The following TMEM163 variants were observed in gnomAD, a reference collection of about 807,000 sequenced individuals.
The protein encoded by TMEM163 is transmembrane protein 163.
TMEM163 carries 17 observed loss-of-function variants against 29.3 expected under a neutral mutation model. That is an observed-to-expected ratio of 0.58 (90% CI 0.40 to 0.87). The LOEUF is 0.87. Among genes scored for constraint, TMEM163 ranks in the 40% least tolerant of loss-of-function variants. The probability of loss-of-function intolerance (pLI) is 0.00; values close to 1 mark genes in which losing one functional copy is unlikely to be tolerated. For missense variants in TMEM163, 303 were observed against 381.5 expected, an observed-to-expected ratio of 0.79 and a Z score of 1.71; for synonymous variants, 157 against 160.6, an observed-to-expected ratio of 0.98 and a Z score of 0.17.
At chr2:134,690,953 C>T (rs1684451183) in intron 2 of TMEM163, among the ~76,000 whole-genome samples, 1 of 152,222 alleles carries the variant, frequency 6.6e-6, no homozygotes, top group East Asian at 1.9e-4. Flanking sequence ...TACCCATCTA[C>T]CTGGTCCAGG....
At chr2:134,531,049 A>G (rs1680405465) in intron 4 of TMEM163, among the ~76,000 whole-genome samples, 1 of 152,108 alleles carries the variant, frequency 6.6e-6, no homozygotes, top group South Asian at 2.1e-4. Flanking sequence ...TTTGATGCAG[A>G]GTGGGGAGTA....
chr2:134,593,025 T>C (rs1298164242), intron 2 of TMEM163, among the ~76,000 whole-genome samples: 1 of 152,176 alleles, frequency 6.6e-6, no homozygotes, highest in Non-Finnish European at 1.5e-5. Flanking sequence ...TTCTGTTTTA[T>C]TGGGAATACA....
chr2:134,490,186 G>C (rs1008964109), intron 5 of TMEM163, among the ~76,000 whole-genome samples: 6 of 152,172 alleles, frequency 3.9e-5, no homozygotes, highest in African/African-American at 1.4e-4. Context: ...AGCGCCACCA[G>C]CTGGGTGATG....
chr2:134,602,767 C>G (rs1260526502), intron 2 of TMEM163, among the ~76,000 whole-genome samples: 2 of 152,112 alleles, frequency 1.3e-5, no homozygotes, highest in East Asian at 3.9e-4. Context: ...TTGAAATGCT[C>G]TCTTCCCCAG....
rs568953339 is a variant in TMEM163 at position 134,642,630 on chromosome 2, A to G, written c.322+70570T>C. ...TGCACATGGAACATTCACTAGGATA[A>G]ACCATAGCCTGGTTTACAAAACATG... On this transcript the variant is annotated intron_variant, in intron 2 of 7. Coordinates refer to ENST00000281924, the MANE Select transcript of TMEM163 (RefSeq NM_030923.5). 2.0e-5 allele frequency among the ~76,000 whole-genome samples: 3 copies of G among 152,344 alleles called. No individual in the cohort carries two copies. The South Asian group carries it at 6.2e-4, about 32-fold the overall frequency.
Position 134,464,829 on chromosome 2 carries a change from C to G in TMEM163, c.667+1285G>C, listed in dbSNP as rs146071269. On this transcript the variant is annotated intron_variant, in intron 6 of 7. Coordinates refer to ENST00000281924, the MANE Select transcript of TMEM163 (RefSeq NM_030923.5). ...GGATTCTTGGGCCAGAGCTCTGTCC[C>G]AGGGTGGAAACGTCACTTTGGCTTC... Among the ~76,000 whole-genome samples, 987 of 152,258 alleles carry G rather than the reference C, an allele frequency of 6.5e-3. 13 individuals carry two copies. Among genetic ancestry groups the G allele is most frequent in the African/African-American group, 0.021 (886 of 41,540 alleles).
At chr2:134,500,125 A>G (rs1016514548) in intron 5 of TMEM163, among the ~76,000 whole-genome samples, 3 of 152,166 alleles carry the variant, frequency 2.0e-5, no homozygotes, top group African/African-American at 7.2e-5. Context: ...CAGGCCCTTC[A>G]TCCAAGTGCG....
At chr2:134,600,086 A>G (rs1682192651) in intron 2 of TMEM163, among the ~76,000 whole-genome samples, 1 of 152,220 alleles carries the variant, frequency 6.6e-6, no homozygotes, top group South Asian at 2.1e-4. Context: ...CAGACCCTAG[A>G]AAACTGCCCA....
intron 5 of TMEM163, among the ~76,000 whole-genome samples, chr2:134,472,895 G>C (rs1276079796): frequency 6.6e-6 from 1 of 152,146 alleles, no homozygotes; most frequent in African/African-American, 2.4e-5. Flanking sequence ...CTGACAATGG[G>C]ATTAAACTAG....
At chr2:134,534,418 AT>A (rs1385175521) in intron 4 of TMEM163, among the ~76,000 whole-genome samples, 2 of 152,206 alleles carry the variant, frequency 1.3e-5, no homozygotes, top group African/African-American at 4.8e-5. Context: ...TGGAGTTTAC[AT>A]TCACTAACCT....
intron 4 of TMEM163, among the ~76,000 whole-genome samples, chr2:134,532,175 C>A (rs73958754): frequency 0.023 from 3,448 of 152,282 alleles, 133 homozygotes; most frequent in African/African-American, 0.078. Context: ...AAAAGTCTAG[C>A]GCATCTGTGT....
chr2:134,676,774 T>A (rs957180841), intron 2 of TMEM163, among the ~76,000 whole-genome samples: 2 of 152,184 alleles, frequency 1.3e-5, no homozygotes, highest in Admixed American at 1.3e-4. Context: ...AGACTTCACA[T>A]AAATGGAATC....
At chr2:134,482,345 T>C (rs1046490171) in intron 5 of TMEM163, among the ~76,000 whole-genome samples, 2 of 152,178 alleles carry the variant, frequency 1.3e-5, no homozygotes. Context: ...CTGTGGCCAC[T>C]GACACTGAGC....
chr2:134,557,365 A>G (rs1312934406), intron 2 of TMEM163, among the ~76,000 whole-genome samples: 1 of 152,256 alleles, frequency 6.6e-6, no homozygotes, highest in African/African-American at 2.4e-5. Flanking sequence ...TATCTGAGAC[A>G]GAGATCAATC....
chr2:134,665,356 C>T (rs955454922), intron 2 of TMEM163, among the ~76,000 whole-genome samples: 1 of 152,078 alleles, frequency 6.6e-6, no homozygotes, highest in African/African-American at 2.4e-5. Flanking sequence ...GGTGAACTGC[C>T]CCTTATAAAA....
At chr2:134,692,698 A>G (rs1042718680) in intron 2 of TMEM163, among the ~76,000 whole-genome samples, 1 of 152,110 alleles carries the variant, frequency 6.6e-6, no homozygotes, top group Non-Finnish European at 1.5e-5. Context: ...GTCTCTTCTT[A>G]TAAGTGCACA....
At chr2:134,605,180 CAA>C (rs754781954) in intron 2 of TMEM163, among the ~76,000 whole-genome samples, 33 of 105,068 alleles carry the variant, frequency 3.1e-4, no homozygotes, top group Admixed American at 4.9e-4. Context: ...TGGTCTCCAG[CAA>C]AAAAAAAAAA....
At chr2:134,554,107 G>A (rs970778212) in intron 2 of TMEM163, among the ~76,000 whole-genome samples, 1 of 151,826 alleles carries the variant, frequency 6.6e-6, no homozygotes, top group Non-Finnish European at 1.5e-5. Context: ...CTAACATCTT[G>A]CACAGATGCT....
Position 134,611,865 on chromosome 2 carries a change from C to T in TMEM163, c.323-59774G>A, listed in dbSNP as rs139957958. Among the ~76,000 whole-genome samples the T allele has an allele frequency of 3.0e-4, 46 of 152,266 alleles. 1 individual carries two copies. The highest frequency in any genetic ancestry group is 6.2e-4 in the South Asian group (3 of 4,820). On this transcript the variant is annotated intron_variant, in intron 2 of 7. Transcript: ENST00000281924. The stretch of plus-strand genomic sequence containing the variant: ...CCATGTTGGGGGAAACAGGCAAAAA[C>T]GACAGTCACTTGCAGGAAAGTAACC...
Sources: gnomAD v4.1 joint callset for allele counts (sites outside exome capture counted in the v4.1 genomes callset) on GRCh38, gnomAD v4.1.1 for gene constraint, MANE v1.5 for transcripts, NCBI Gene and HGNC (gene_info 2026-07-23, HGNC 2026-07-21) for gene names.